The following DGLUCY variants were observed in gnomAD, a reference collection of about 807,000 sequenced individuals.
DGLUCY encodes the protein D-glutamate cyclase.
Under a neutral mutation model 58.5 loss-of-function variants are expected in DGLUCY, and 58 were observed. The ratio of observed to expected loss-of-function variants is 0.99; its 90% CI spans 0.80 to 1.23. The LOEUF (loss-of-function observed/expected upper bound fraction) is 1.23. Among genes scored for constraint, DGLUCY ranks in the 50% most tolerant of loss-of-function variants. DGLUCY has a pLI of 0.00. For synonymous variants in DGLUCY, 325 were observed against 314.1 expected (o/e 1.03, Z -0.37); for missense variants, 779 against 784.7 (o/e 0.99, Z 0.09).
At chr14:91,168,706 C>T (rs184176008) in intron 4 of DGLUCY, among the ~76,000 whole-genome samples, 2 of 152,330 alleles carry the variant, frequency 1.3e-5, no homozygotes, top group Admixed American at 1.3e-4. Context: ...TGTCACTCTA[C>T]CTAGACGGTT....
chr14:91,181,156 G>A (rs370749521), intron 7 of DGLUCY, 30 bp from the exon 8 acceptor site: 2 of 1,605,334 alleles, frequency 1.2e-6, no homozygotes, highest in Non-Finnish European at 1.7e-6. Flanking sequence ...TGAAGTGGCT[G>A]GGCTCAGACC....
chr14:91,187,394 T>G (rs1385539939), intron 8 of DGLUCY, among the ~76,000 whole-genome samples: 1 of 152,132 alleles, frequency 6.6e-6, no homozygotes, highest in African/African-American at 2.4e-5. Flanking sequence ...ACCGCCAGAG[T>G]AGAAGTTCTG....
chr14:91,202,981 G>A (rs971270408), intron 11 of DGLUCY, among the ~76,000 whole-genome samples: 3 of 152,138 alleles, frequency 2.0e-5, no homozygotes. Flanking sequence ...GGTTCCATGG[G>A]CAACTGCCAT....
At chr14:91,163,203 T>C (rs2048089197) in intron 3 of DGLUCY, among the ~76,000 whole-genome samples, 1 of 151,560 alleles carries the variant, frequency 6.6e-6, no homozygotes, top group Non-Finnish European at 1.5e-5. Context: ...GAGCTTGCAG[T>C]GAGCCAAGAT....
chr14:91,151,648 C>A (rs554525751), intron 1 of DGLUCY, among the ~76,000 whole-genome samples: 1 of 147,088 alleles, frequency 6.8e-6, no homozygotes, highest in Non-Finnish European at 1.5e-5. Flanking sequence ...TTTATTTTTT[C>A]TTTTCTTTTC....
At chr14:91,114,711 C>G (rs1485441028) in intron 1 of DGLUCY, 1 of 152,298 alleles carries the variant, frequency 6.6e-6, no homozygotes, top group Non-Finnish European at 1.5e-5. Context: ...GGAAGGGGTT[C>G]TGGGCTGCCG....
intron 1 of DGLUCY, among the ~76,000 whole-genome samples, chr14:91,068,787 T>G (rs1227352752): frequency 2.0e-5 from 3 of 152,220 alleles, no homozygotes; most frequent in Non-Finnish European, 1.5e-5. Flanking sequence ...GTCCCATTTT[T>G]AATGAAACAA....
At chr14:91,112,487 G>C (rs1385624631), upstream of DGLUCY, among the ~76,000 whole-genome samples, 1 of 152,192 alleles carries the variant, frequency 6.6e-6, no homozygotes, top group East Asian at 1.9e-4. Flanking sequence ...AGCGTTGCCT[G>C]AGGGTCCAGC....
chr14:91,068,079 GCACACACA>G lies in DGLUCY; in HGVS notation c.-82+7405_-82+7412del, dbSNP rs57428509. Reference sequence around the variant, plus strand: ...CGCGTGCACACACACACACGCGCACGCACACACACACACACACACACACACACACACAC... The same window carrying G: ...CGCGTGCACACACACACACGCGCACGCACACACACACACACACACACACAC... On this transcript the variant is annotated intron_variant, in intron 1 of 4. Coordinates refer to the DGLUCY transcript ENST00000521334. Among the ~76,000 whole-genome samples, 850 of 146,436 alleles carry G rather than the reference GCACACACA, an allele frequency of 5.8e-3. 4 individuals carry two copies. The highest frequency in any genetic ancestry group is 0.018 in the African/African-American group (701 of 38,966).
At chr14:91,088,584 T>C (rs1453392337) in intron 1 of DGLUCY, among the ~76,000 whole-genome samples, 2 of 152,188 alleles carry the variant, frequency 1.3e-5, no homozygotes, top group East Asian at 3.9e-4. Context: ...GGGCAGAGCT[T>C]GTCCAAGGAA....
Position 91,150,225 on chromosome 14 carries a change from A to AAAAAG in DGLUCY, c.-81-7410_-81-7409insGAAAA, listed in dbSNP as rs1277372728. Among the ~76,000 whole-genome samples, 189 of 150,024 alleles carry AAAAAG rather than the reference A, an allele frequency of 1.3e-3. 2 individuals are homozygous for AAAAAG. The highest frequency in any genetic ancestry group is 3.3e-3 in the Admixed American group (49 of 14,996). On this transcript the variant is annotated intron_variant, in intron 1 of 13. Coordinates refer to ENST00000256324, the MANE Select transcript of DGLUCY (RefSeq NM_001102368.3). ...CAGAGTGAGACTCCATCTCAAAAAA[A>AAAAAG]AAAAAAAAAAAAAAAAATCCAGTTT...
chr14:91,224,830 G>A lies in DGLUCY; in HGVS notation c.1863G>A (p.Val621=), dbSNP rs1887994327. ...QKLVDVTTAQ[V] ...TGGTGGACGTCACCACGGCACAGGT[G>A]TAACCGTCCATGTTCCGTGTGAGCA... Residue 621 remains valine, a synonymous_variant, in exon 14 of 14, where the codon GTG becomes GTA. Transcript: ENST00000256324. 22 of 1,609,896 alleles carry A rather than the reference G, an allele frequency of 1.4e-5. No individual in the cohort carries two copies. Among genetic ancestry groups the A allele is most frequent in the Non-Finnish European group, 1.9e-5 (22 of 1,177,040 alleles).
chr14:91,171,727 A>G (rs1353332873), intron 5 of DGLUCY, among the ~76,000 whole-genome samples: 1 of 152,228 alleles, frequency 6.6e-6, no homozygotes, highest in Non-Finnish European at 1.5e-5. Context: ...TATTGCAGGC[A>G]CCAGAAACCA....
chr14:91,158,025 G>C (rs1274621458), intron 2 of DGLUCY, among the ~76,000 whole-genome samples: 1 of 152,190 alleles, frequency 6.6e-6, no homozygotes, highest in Non-Finnish European at 1.5e-5. Flanking sequence ...GGGCAAATGA[G>C]GACGGTTATC....
In DGLUCY at chr14:91,153,869, C is replaced by T. The variant is rs117974317; in HGVS notation, c.-81-3770C>T. On this transcript the variant is annotated intron_variant, in intron 1 of 13. Coordinates refer to ENST00000256324, the MANE Select transcript of DGLUCY (RefSeq NM_001102368.3). The stretch of plus-strand genomic sequence containing the variant: ...CCTCAGGCGGTCCTGAGGACATGCA[C>T]CCAAGGTGGTCGGGGTACAGGTTTT... Among the ~76,000 whole-genome samples, 53 of 152,252 alleles carry T rather than the reference C, an allele frequency of 3.5e-4. 2 individuals are homozygous for T. The East Asian group carries it at 0.01, about 29-fold the overall frequency.
intron 10 of DGLUCY, among the ~76,000 whole-genome samples, chr14:91,199,136 G>A (rs1433960918): frequency 6.6e-6 from 1 of 152,134 alleles, no homozygotes. Context: ...GGCTATCCCT[G>A]CTGGACAAAG....
intron 1 of DGLUCY, among the ~76,000 whole-genome samples, chr14:91,095,603 G>C (rs748275201): frequency 3.3e-5 from 5 of 152,146 alleles, no homozygotes; most frequent in African/African-American, 1.2e-4. Context: ...ATTCGGTTCA[G>C]AAATGTGGCA....
chr14:91,143,956 C>A (rs1746477434), intron 1 of DGLUCY, among the ~76,000 whole-genome samples: 2 of 152,132 alleles, frequency 1.3e-5, no homozygotes, highest in African/African-American at 4.8e-5. Flanking sequence ...TCCTTTCCAT[C>A]CAGCTCTGTG....
At position 91,092,230 on chromosome 14, in the gene DGLUCY, C is replaced by T. The variant is rs2044323245; in HGVS notation, c.-82+31526C>T. 2.6e-5 allele frequency among the ~76,000 whole-genome samples: 4 copies of T among 152,238 alleles called. No homozygotes were observed. The South Asian group carries it at 6.2e-4, about 24-fold the overall frequency. On this transcript the variant is annotated intron_variant, in intron 1 of 4. Transcript: ENST00000521334. The stretch of plus-strand genomic sequence containing the variant: ...TCTTGACTACTGTACTGGCCTACGG[C>T]TGCTCTTCCCAATTACAGAGTGTGC...
Sources: gnomAD v4.1 joint callset for allele counts (sites outside exome capture counted in the v4.1 genomes callset) on GRCh38, gnomAD v4.1.1 for gene constraint, MANE v1.5 for transcripts, NCBI Gene and HGNC (gene_info 2026-07-23, HGNC 2026-07-21) for gene names.